The following EHBP1 variants were observed in gnomAD, a reference collection of about 807,000 sequenced individuals.
The protein encoded by EHBP1 is EH domain-binding protein 1.
In EHBP1, 55 loss-of-function variants were observed where a neutral mutation model predicts 144.0. The observed-to-expected ratio is 0.38, with a 90% confidence interval of 0.31 to 0.48. EHBP1 has a LOEUF of 0.48. Ranked by LOEUF, EHBP1 falls within the 20% of genes least tolerant of loss-of-function variation. The probability of loss-of-function intolerance (pLI) is 0.98; values close to 1 mark genes in which losing one functional copy is unlikely to be tolerated. For synonymous variants in EHBP1, 469 were observed against 472.7 expected (o/e 0.99, Z 0.10); for missense variants, 1,200 against 1,364.2 (o/e 0.88, Z 1.90).
intron 5 of EHBP1, among the ~76,000 whole-genome samples, chr2:62,802,900 T>G (rs2044131670): frequency 6.6e-6 from 1 of 152,130 alleles, no homozygotes; most frequent in Admixed American, 6.5e-5. Context: ...AATTTTTGTA[T>G]TTTTAGTAGA....
At chr2:62,771,427 T>G in intron 5 of EHBP1, 35 bp downstream of exon 5, 2 of 1,533,622 alleles carry the variant, frequency 1.3e-6, no homozygotes, top group Admixed American at 1.9e-5. Context: ...CCTTTCACAT[T>G]TTCAACTTTA....
At chr2:62,753,917 G>C (rs2040004503) in intron 3 of EHBP1, among the ~76,000 whole-genome samples, 1 of 152,130 alleles carries the variant, frequency 6.6e-6, no homozygotes, top group African/African-American at 2.4e-5. Flanking sequence ...AAAGTTTTTA[G>C]CTCCTTTGCG....
intron 3 of EHBP1, among the ~76,000 whole-genome samples, chr2:62,752,003 A>G (rs2039780664): frequency 6.7e-6 from 1 of 150,162 alleles, no homozygotes; most frequent in African/African-American, 2.5e-5. Flanking sequence ...CTCTGATCTT[A>G]GTTATTTCTT....
At chr2:62,931,541 A>G (rs1438303623) in intron 10 of EHBP1, among the ~76,000 whole-genome samples, 1 of 152,248 alleles carries the variant, frequency 6.6e-6, no homozygotes, top group Non-Finnish European at 1.5e-5. Context: ...CTGAGTATAC[A>G]GTAGCACCTC....
intron 2 of EHBP1, among the ~76,000 whole-genome samples, chr2:62,707,907 A>G (rs1391525975): frequency 6.6e-6 from 1 of 152,210 alleles, no homozygotes; most frequent in African/African-American, 2.4e-5. Context: ...TAAGGAAGCA[A>G]TTAGTAGTGC....
intron 10 of EHBP1, among the ~76,000 whole-genome samples, chr2:62,908,914 A>G (rs1256949514): frequency 6.6e-6 from 1 of 152,172 alleles, no homozygotes; most frequent in African/African-American, 2.4e-5. Context: ...TATATCTCCC[A>G]GTGCCTAGAA....
At chr2:62,716,860 A>G (rs2035734735) in intron 2 of EHBP1, among the ~76,000 whole-genome samples, 1 of 152,062 alleles carries the variant, frequency 6.6e-6, no homozygotes, top group Non-Finnish European at 1.5e-5. Flanking sequence ...CTGGCTGCCA[A>G]CTCTGGCTGC....
chr2:62,711,595 T>C (rs1051973512), intron 2 of EHBP1, among the ~76,000 whole-genome samples: 3 of 152,166 alleles, frequency 2.0e-5, no homozygotes, highest in Admixed American at 6.5e-5. Context: ...CATGGGGCGA[T>C]AGAAAATTTC....
chr2:62,983,460 TTTG>T (rs1238223705), intron 15 of EHBP1, among the ~76,000 whole-genome samples: 1 of 152,126 alleles, frequency 6.6e-6, no homozygotes, highest in African/African-American at 2.4e-5. Flanking sequence ...TGATACATAT[TTTG>T]TTATTATTTA....
intron 7 of EHBP1, among the ~76,000 whole-genome samples, chr2:62,839,204 T>C (rs538810412): frequency 1.0e-3 from 156 of 152,154 alleles, no homozygotes; most frequent in Non-Finnish European, 2.0e-3. Flanking sequence ...AATCAATAAA[T>C]GTAATCCAGC....
chr2:62,845,529 TGGAG>T (rs1228014517), intron 7 of EHBP1, among the ~76,000 whole-genome samples: 3 of 152,094 alleles, frequency 2.0e-5, no homozygotes, highest in Admixed American at 6.5e-5. Flanking sequence ...GGGCTATGAA[TGGAG>T]ATAAGTAGGT....
At chr2:62,696,919 AT>A (rs1460862094) in intron 1 of EHBP1, among the ~76,000 whole-genome samples, 1 of 152,200 alleles carries the variant, frequency 6.6e-6, no homozygotes, top group Non-Finnish European at 1.5e-5. Flanking sequence ...AAGCTAAAAT[AT>A]TTCTGAGGAA....
chr2:62,933,093 A>G (rs2056131603), intron 10 of EHBP1, among the ~76,000 whole-genome samples: 1 of 151,930 alleles, frequency 6.6e-6, no homozygotes, highest in Non-Finnish European at 1.5e-5. Context: ...ACAATATTAG[A>G]AATTAACACT....
intron 10 of EHBP1, among the ~76,000 whole-genome samples, chr2:62,925,524 A>G (rs2055433830): frequency 6.6e-6 from 1 of 152,158 alleles, no homozygotes; most frequent in Admixed American, 6.5e-5. Flanking sequence ...CATAAGAAAA[A>G]TCTAAAGACT....
intron 16 of EHBP1, among the ~76,000 whole-genome samples, chr2:62,992,676 C>T (rs1338035906): frequency 6.6e-6 from 1 of 152,096 alleles, no homozygotes; most frequent in East Asian, 1.9e-4. Flanking sequence ...CTGTTACCTT[C>T]CCCTGAGGAT....
chr2:62,873,685 A>G (rs1325703710), intron 9 of EHBP1, among the ~76,000 whole-genome samples: 1 of 152,138 alleles, frequency 6.6e-6, no homozygotes, highest in Non-Finnish European at 1.5e-5. Context: ...TGCTCAAACT[A>G]GAAATAAAGA....
intron 19 of EHBP1, among the ~76,000 whole-genome samples, chr2:63,004,430 C>G (rs1446052645): frequency 1.3e-5 from 2 of 151,904 alleles, no homozygotes; most frequent in African/African-American, 4.8e-5. Context: ...TATCATGATC[C>G]TTTTTTCCCC....
intron 10 of EHBP1, among the ~76,000 whole-genome samples, chr2:62,879,274 C>T (rs1369740895): frequency 6.6e-6 from 1 of 152,052 alleles, no homozygotes; most frequent in African/African-American, 2.4e-5. Flanking sequence ...CAACATAGTA[C>T]TGGAAGTCCT....
At chr2:62,941,303 A>G (rs190882093) in intron 10 of EHBP1, among the ~76,000 whole-genome samples, 4 of 152,082 alleles carry the variant, frequency 2.6e-5, no homozygotes, top group African/African-American at 4.8e-5. Context: ...CTAGTTAGCT[A>G]TTATTTTTTC....
Sources: gnomAD v4.1 joint callset for allele counts (sites outside exome capture counted in the v4.1 genomes callset) on GRCh38, gnomAD v4.1.1 for gene constraint, MANE v1.5 for transcripts, NCBI Gene and HGNC (gene_info 2026-07-23, HGNC 2026-07-21) for gene names.